Variants in PCSK2 observed in about 807,000 individuals in gnomAD.
The protein encoded by PCSK2 is neuroendocrine convertase 2.
In PCSK2, 14 loss-of-function variants were observed where a neutral mutation model predicts 69.7. The ratio of observed to expected loss-of-function variants is 0.20; its 90% confidence interval spans 0.13 to 0.31. PCSK2 has a LOEUF of 0.31. Ranked by LOEUF, PCSK2 falls within the 10% of genes least tolerant of loss-of-function variation. The pLI, the probability that PCSK2 is intolerant of heterozygous loss-of-function variation, is 1.00. For synonymous variants in PCSK2, 307 were observed against 320.7 expected, an observed-to-expected ratio of 0.96 and a Z score of 0.46; for missense variants, 544 against 842.5, an observed-to-expected ratio of 0.65 and a Z score of 4.39.
chr20:17,471,648 C>T (rs1318753482), intron 11 of PCSK2, among the ~76,000 whole-genome samples: 1 of 152,250 alleles, frequency 6.6e-6, no homozygotes, highest in South Asian at 2.1e-4. Flanking sequence ...AAGGGCTCTG[C>T]CTCCTCTCAG....
chr20:17,462,362 T>C (rs2033027790), intron 10 of PCSK2, among the ~76,000 whole-genome samples: 1 of 152,208 alleles, frequency 6.6e-6, no homozygotes, highest in South Asian at 2.1e-4. Context: ...AACATCACTG[T>C]ACAGAAGAAT....
At chr20:17,309,288 A>G (rs1418974693) in intron 2 of PCSK2, among the ~76,000 whole-genome samples, 2 of 152,346 alleles carry the variant, frequency 1.3e-5, no homozygotes, top group Non-Finnish European at 2.9e-5. Context: ...GTGTTAGACA[A>G]TTGATGAGCT....
intron 1 of PCSK2, among the ~76,000 whole-genome samples, chr20:17,232,198 G>T (rs913740465): frequency 7.2e-5 from 11 of 152,102 alleles, no homozygotes; most frequent in African/African-American, 2.7e-4. Context: ...TGTACATCAG[G>T]GAGCAGAAAT....
At chr20:17,472,575 C>T (rs2033220192) in intron 11 of PCSK2, among the ~76,000 whole-genome samples, 1 of 151,618 alleles carries the variant, frequency 6.6e-6, no homozygotes, top group Admixed American at 6.6e-5. Flanking sequence ...ATAACTTTTT[C>T]TTTTTTTTTG....
At chr20:17,425,049 T>C (rs143305617) in intron 6 of PCSK2, among the ~76,000 whole-genome samples, 14 of 152,310 alleles carry the variant, frequency 9.2e-5, no homozygotes, top group Non-Finnish European at 1.9e-4. Flanking sequence ...GTGCTGGGAT[T>C]ACAGGAGTGA....
rs531291172 is a variant in PCSK2, at chr20:17,484,431, A to G, written c.*2361A>G. The G allele has an allele frequency of 6.5e-6, 1 of 152,694 alleles. No homozygotes were observed. Among genetic ancestry groups the G allele is most frequent in the Non-Finnish European group, 1.5e-5 (1 of 67,980 alleles). 9.5% of individuals were successfully genotyped at this position (152,694 alleles called of 1,614,324 possible). ...CCTGATCCTAACTGAAGAGACAGTT[A>G]TTTATAGTCATTTATTTTAAAAAAT... On this transcript the variant is annotated 3_prime_UTR_variant, in exon 12 of 12. Coordinates refer to ENST00000262545, the MANE Select transcript of PCSK2 (RefSeq NM_002594.5).
At chr20:17,448,018 C>T (rs189588846) in intron 8 of PCSK2, among the ~76,000 whole-genome samples, 1 of 152,192 alleles carries the variant, frequency 6.6e-6, no homozygotes. Flanking sequence ...ACTTTTATTT[C>T]CTTCATCTTC....
Position 17,271,542 on chromosome 20 carries a change from A to G in PCSK2, c.282+11198A>G, listed in dbSNP as rs187486062. 2.6e-5 allele frequency among the ~76,000 whole-genome samples: 4 copies of G among 152,196 alleles called. 1 individual carries two copies. The East Asian group carries it at 7.8e-4, about 30-fold the overall frequency. Reference sequence around the variant, plus strand: ...TTGAGGTGGGTCAGTTGTAAGCAAAACAGCTACTCAAGCAAGAGAATAAAC... The same window carrying G: ...TTGAGGTGGGTCAGTTGTAAGCAAAGCAGCTACTCAAGCAAGAGAATAAAC... On this transcript the variant is annotated intron_variant, in intron 2 of 11. Coordinates refer to ENST00000262545, the MANE Select transcript of PCSK2 (RefSeq NM_002594.5).
intron 1 of PCSK2, among the ~76,000 whole-genome samples, chr20:17,235,448 A>G (rs537339164): frequency 6.6e-5 from 10 of 152,170 alleles, no homozygotes; most frequent in Non-Finnish European, 1.2e-4. Context: ...GATTCATTTC[A>G]TGCTCATTTT....
At chr20:17,466,009 C>T (rs1475183131) in intron 11 of PCSK2, among the ~76,000 whole-genome samples, 2 of 152,126 alleles carry the variant, frequency 1.3e-5, no homozygotes, top group Non-Finnish European at 2.9e-5. Context: ...AGCAGAGCTG[C>T]AGGTTTGCAT....
chr20:17,371,471 G>A (rs1233121690), intron 5 of PCSK2, among the ~76,000 whole-genome samples: 1 of 152,144 alleles, frequency 6.6e-6, no homozygotes, highest in African/African-American at 2.4e-5. Flanking sequence ...TACACCTGAA[G>A]AACTCTTATC....
At chr20:17,353,698 T>C (rs2030091000) in intron 2 of PCSK2, among the ~76,000 whole-genome samples, 1 of 152,172 alleles carries the variant, frequency 6.6e-6, no homozygotes, top group Admixed American at 6.5e-5. Context: ...CACTTTTCTG[T>C]TCAGTGCTAC....
intron 2 of PCSK2, among the ~76,000 whole-genome samples, chr20:17,269,504 T>C (rs1385556750): frequency 6.6e-6 from 1 of 152,176 alleles, no homozygotes; most frequent in Non-Finnish European, 1.5e-5. Flanking sequence ...GTATCAATGT[T>C]TCTTCACTTT....
intron 5 of PCSK2, among the ~76,000 whole-genome samples, chr20:17,379,226 C>T (rs1474652061): frequency 6.6e-6 from 1 of 152,190 alleles, no homozygotes; most frequent in East Asian, 1.9e-4. Flanking sequence ...GTTGATGCCA[C>T]AGCAAAATGG....
chr20:17,414,577 CG>C (rs1568639449), intron 6 of PCSK2, among the ~76,000 whole-genome samples: 1 of 152,096 alleles, frequency 6.6e-6, no homozygotes, highest in East Asian at 1.9e-4. Context: ...CAGGACCAGA[CG>C]GATTCACAGC....
At chr20:17,474,580 C>A (rs2033259885) in intron 11 of PCSK2, among the ~76,000 whole-genome samples, 1 of 152,196 alleles carries the variant, frequency 6.6e-6, no homozygotes, top group African/African-American at 2.4e-5. Flanking sequence ...GCCTCGCTGT[C>A]ATTTTCCCTC....
chr20:17,387,427 T>C (rs770559338), intron 5 of PCSK2, among the ~76,000 whole-genome samples: 3 of 152,188 alleles, frequency 2.0e-5, no homozygotes, highest in Non-Finnish European at 4.4e-5. Flanking sequence ...ATGTTGGCCA[T>C]GACTGCAGTC....
intron 2 of PCSK2, among the ~76,000 whole-genome samples, chr20:17,356,318 T>C (rs2030195427): frequency 6.6e-6 from 1 of 152,194 alleles, no homozygotes; most frequent in African/African-American, 2.4e-5. Flanking sequence ...TGACTGTGAC[T>C]GTCCTTTGTT....
intron 2 of PCSK2, among the ~76,000 whole-genome samples, chr20:17,300,830 A>G (rs1258656449): frequency 6.6e-6 from 1 of 152,234 alleles, no homozygotes; most frequent in Non-Finnish European, 1.5e-5. Flanking sequence ...AGTTGCCTTC[A>G]GGCGAAGTCC....
Sources: gnomAD v4.1 joint callset for allele counts (sites outside exome capture counted in the v4.1 genomes callset) on GRCh38, gnomAD v4.1.1 for gene constraint, MANE v1.5 for transcripts, NCBI Gene and HGNC (gene_info 2026-07-23, HGNC 2026-07-21) for gene names.